LRRC4C: variants seen among roughly 807,000 people sequenced by gnomAD.
LRRC4C encodes the protein leucine-rich repeat-containing protein 4C.
A neutral mutation model predicts 33.6 loss-of-function variants in LRRC4C; 5 were observed. The ratio of observed to expected loss-of-function variants is 0.15; its 90% CI spans 0.08 to 0.31. The LOEUF (loss-of-function observed/expected upper bound fraction) is 0.31, where lower values mean the gene tolerates loss of function less well. LRRC4C is among the 10% of genes least tolerant of loss of function. LRRC4C has a pLI of 1.00. For missense variants in LRRC4C, 560 were observed against 796.7 expected, an observed-to-expected ratio of 0.70 and a Z score of 3.58; for synonymous variants, 329 against 302.0, an observed-to-expected ratio of 1.09 and a Z score of -0.93.
chr11:41,305,926 TAA>T (rs769984994), intron 1 of LRRC4C, among the ~76,000 whole-genome samples: 19 of 56,334 alleles, frequency 3.4e-4, no homozygotes, highest in African/African-American at 6.7e-4. Context: ...AAAAAAATAA[TAA>T]AATAAAATAA....
chr11:40,821,885 T>A (rs1397095151), intron 2 of LRRC4C, among the ~76,000 whole-genome samples: 1 of 151,746 alleles, frequency 6.6e-6, no homozygotes, highest in Non-Finnish European at 1.5e-5. Context: ...ATTTTTTTAT[T>A]GATTTGTAAT....
intron 2 of LRRC4C, among the ~76,000 whole-genome samples, chr11:40,696,787 T>C (rs1945582931): frequency 6.8e-6 from 1 of 147,326 alleles, no homozygotes; most frequent in African/African-American, 2.5e-5. Context: ...TGAGTATATA[T>C]ATATACTCAT....
At chr11:40,708,665 G>C (rs962840619) in intron 2 of LRRC4C, among the ~76,000 whole-genome samples, 3 of 152,172 alleles carry the variant, frequency 2.0e-5, no homozygotes, top group African/African-American at 7.2e-5. Context: ...AGTGCAATGT[G>C]GTGCTGAGAA....
chr11:41,411,338 C>T (rs2862304), intron 1 of LRRC4C, among the ~76,000 whole-genome samples: 3,343 of 150,654 alleles, frequency 0.022, 139 homozygotes, highest in African/African-American at 0.078. Flanking sequence ...TTAGTGGAGA[C>T]GGGGTTTCAC....
chr11:40,570,677 A>G (rs1259639294), intron 3 of LRRC4C, among the ~76,000 whole-genome samples: 3 of 152,072 alleles, frequency 2.0e-5, no homozygotes, highest in Non-Finnish European at 4.4e-5. Context: ...TATACTATGT[A>G]TCTATTTCTC....
chr11:40,838,031 C>T (rs375530207), intron 2 of LRRC4C, among the ~76,000 whole-genome samples: 11 of 151,966 alleles, frequency 7.2e-5, no homozygotes, highest in African/African-American at 2.7e-4. Context: ...CAAAATAATC[C>T]CAAACATTGG....
chr11:41,285,536 A>G (rs1949797754), intron 1 of LRRC4C, among the ~76,000 whole-genome samples: 1 of 152,182 alleles, frequency 6.6e-6, no homozygotes, highest in Non-Finnish European at 1.5e-5. Context: ...TATATTGAAC[A>G]CACTTTAGTA....
intron 1 of LRRC4C, among the ~76,000 whole-genome samples, chr11:41,130,461 A>G (rs747455048): frequency 1.3e-5 from 2 of 151,994 alleles, no homozygotes; most frequent in Non-Finnish European, 2.9e-5. Context: ...GCCTCAAATC[A>G]TACAATATCT....
chr11:40,193,611 T>TA (rs1334091204), intron 5 of LRRC4C, among the ~76,000 whole-genome samples: 1 of 152,062 alleles, frequency 6.6e-6, no homozygotes, highest in African/African-American at 2.4e-5. Context: ...TGAGTATGAC[T>TA]AATTGACAGA....
intron 1 of LRRC4C, among the ~76,000 whole-genome samples, chr11:41,071,998 G>C (rs184017889): frequency 9.6e-4 from 146 of 152,188 alleles, no homozygotes; most frequent in African/African-American, 3.4e-3. Context: ...TGACTGAATT[G>C]CTGCAATTTC....
chr11:41,271,301 T>C (rs1237870701), intron 1 of LRRC4C, among the ~76,000 whole-genome samples: 1 of 152,124 alleles, frequency 6.6e-6, no homozygotes, highest in Non-Finnish European at 1.5e-5. Context: ...CTTTCGACTG[T>C]AGAGCTGAAC....
intron 4 of LRRC4C, among the ~76,000 whole-genome samples, chr11:40,255,728 T>C (rs1867155206): frequency 6.6e-6 from 1 of 152,206 alleles, no homozygotes; most frequent in East Asian, 1.9e-4. Flanking sequence ...TGAGTTGTTC[T>C]AGCCTTAGGA....
At chr11:41,433,082 A>T (rs1955298714) in intron 1 of LRRC4C, among the ~76,000 whole-genome samples, 1 of 152,100 alleles carries the variant, frequency 6.6e-6, no homozygotes, top group South Asian at 2.1e-4. Flanking sequence ...CACCTTGATG[A>T]CCCCAAGTAA....
chr11:40,797,144 A>G (rs1950866891), intron 2 of LRRC4C, among the ~76,000 whole-genome samples: 1 of 152,216 alleles, frequency 6.6e-6, no homozygotes, highest in Non-Finnish European at 1.5e-5. Context: ...GAGATAATTA[A>G]CAAATTGGAG....
At chr11:41,459,101 G>GC (rs1168701746) in intron 1 of LRRC4C, among the ~76,000 whole-genome samples, 1 of 151,994 alleles carries the variant, frequency 6.6e-6, no homozygotes, top group East Asian at 1.9e-4. Context: ...TCTGATTAAT[G>GC]TTTTTCCTCA....
At chr11:40,460,525 T>G (rs2138180531) in intron 3 of LRRC4C, among the ~76,000 whole-genome samples, 1 of 152,264 alleles carries the variant, frequency 6.6e-6, no homozygotes, top group South Asian at 2.1e-4. Flanking sequence ...AGGAAATTTC[T>G]TATATTACTA....
intron 1 of LRRC4C, among the ~76,000 whole-genome samples, chr11:41,081,446 G>A (rs1473859269): frequency 2.0e-5 from 3 of 152,178 alleles, no homozygotes; most frequent in Non-Finnish European, 4.4e-5. Flanking sequence ...AGCCATTCAA[G>A]CATCAAGATT....
chr11:41,346,958 A>T (rs954676571), intron 1 of LRRC4C, among the ~76,000 whole-genome samples: 32 of 152,252 alleles, frequency 2.1e-4, no homozygotes, highest in African/African-American at 7.7e-4. Context: ...GTCATGGTGC[A>T]TGCAAATATT....
chr11:40,504,050 T>C lies in LRRC4C; in HGVS notation c.-270+144092A>G, dbSNP rs764289501. Among the ~76,000 whole-genome samples the C allele has an allele frequency of 6.6e-5, 10 of 152,294 alleles. No homozygotes were observed. The South Asian group carries it at 1.0e-3, about 16-fold the overall frequency. On this transcript the variant is annotated intron_variant, in intron 3 of 6. Transcript: ENST00000528697. ...ATTGTCATTTTTAAGCTTCCTCATA[T>C]ATCCTTCCATTTACATGGTGAAAAG...
Sources: gnomAD v4.1 joint callset for allele counts (sites outside exome capture counted in the v4.1 genomes callset) on GRCh38, gnomAD v4.1.1 for gene constraint, MANE v1.5 for transcripts, NCBI Gene and HGNC (gene_info 2026-07-23, HGNC 2026-07-21) for gene names.